The following ACBD6 variants were observed in gnomAD, a reference collection of about 807,000 sequenced individuals.
ACBD6 encodes the protein acyl-CoA-binding domain-containing protein 6.
In ACBD6, 28 loss-of-function variants were observed where a neutral mutation model predicts 37.2. That is an observed-to-expected ratio of 0.75 (90% CI 0.56 to 1.03). ACBD6 has a LOEUF of 1.03. ACBD6 is among the 50% of genes least tolerant of loss of function. ACBD6 has a pLI of 0.00. For synonymous variants in ACBD6, 113 were observed against 126.8 expected, an observed-to-expected ratio of 0.89 and a Z score of 0.73; for missense variants, 340 against 337.4, an observed-to-expected ratio of 1.01 and a Z score of -0.06.
intron 5 of ACBD6, among the ~76,000 whole-genome samples, chr1:180,412,479 A>G (rs988267263): frequency 1.3e-5 from 2 of 152,240 alleles, no homozygotes; most frequent in African/African-American, 4.8e-5. Flanking sequence ...AATGATTAGA[A>G]GTGAGTTAGC....
At chr1:180,299,620 G>C (rs1487133507) in intron 7 of ACBD6, among the ~76,000 whole-genome samples, 1 of 151,726 alleles carries the variant, frequency 6.6e-6, no homozygotes, top group African/African-American at 2.4e-5. Flanking sequence ...CCCTGTAACA[G>C]TGTGGAGGTA....
chr1:180,335,878 C>T (rs1440135485), intron 6 of ACBD6, among the ~76,000 whole-genome samples: 1 of 146,398 alleles, frequency 6.8e-6, no homozygotes, highest in Non-Finnish European at 1.5e-5. Context: ...TCTGATAAAA[C>T]AGACTTTAAA....
intron 3 of ACBD6, among the ~76,000 whole-genome samples, chr1:180,489,173 TA>T (rs1204698589): frequency 2.7e-5 from 4 of 150,646 alleles, no homozygotes; most frequent in Non-Finnish European, 4.4e-5. Context: ...CTCAAAAAAA[TA>T]AAAAAAAACT....
intron 3 of ACBD6, among the ~76,000 whole-genome samples, chr1:180,487,160 A>G (rs1023075302): frequency 3.3e-5 from 5 of 152,206 alleles, no homozygotes; most frequent in Non-Finnish European, 5.9e-5. Flanking sequence ...GGACATTATC[A>G]TTATAATGAT....
At chr1:180,333,458 T>A (rs192690026) in intron 6 of ACBD6, among the ~76,000 whole-genome samples, 1 of 152,086 alleles carries the variant, frequency 6.6e-6, no homozygotes, top group Non-Finnish European at 1.5e-5. Flanking sequence ...CCTGACCTCA[T>A]AGACCTGCTG....
At chr1:180,391,244 A>T (rs1229246646) in intron 6 of ACBD6, among the ~76,000 whole-genome samples, 1 of 152,150 alleles carries the variant, frequency 6.6e-6, no homozygotes, top group East Asian at 1.9e-4. Flanking sequence ...AGGCTTAATC[A>T]TCATGATCTT....
chr1:180,271,655 C>A, exon 14 of ACBD6: 1 of 1,401,226 alleles, frequency 7.1e-7, no homozygotes, highest in Non-Finnish European at 1.0e-6. Context: ...AGGGCTTTTG[C>A]CAGAACTGAA....
intron 5 of ACBD6, among the ~76,000 whole-genome samples, chr1:180,405,235 CAG>C (rs1305780153): frequency 1.3e-5 from 2 of 151,424 alleles, no homozygotes; most frequent in African/African-American, 4.9e-5. Flanking sequence ...ACAGTTTCAC[CAG>C]AGTTTGCAGC....
rs532439594 is a variant in ACBD6 at position 180,489,055 on chromosome 1, A to G, written c.384+3214T>C. The stretch of plus-strand genomic sequence containing the variant: ...CCAGGTGCAGTGGCTCATGCTAGCT[A>G]TTCAGGAGGCTGAGGCAGAAGAATT... On this transcript the variant is annotated intron_variant, in intron 3 of 7. Transcript: ENST00000367595. Among the ~76,000 whole-genome samples, 218 of 152,274 alleles carry G rather than the reference A, an allele frequency of 1.4e-3. 1 individual carries two copies. Among genetic ancestry groups the G allele is most frequent in the African/African-American group, 5.1e-3 (213 of 41,556 alleles).
chr1:180,313,306 T>C (rs536618008), intron 7 of ACBD6, among the ~76,000 whole-genome samples: 1 of 152,316 alleles, frequency 6.6e-6, no homozygotes, highest in Admixed American at 6.5e-5. Flanking sequence ...GGCTGGCAGT[T>C]GGTGACAGAC....
In ACBD6 at chr1:180,376,035, T is replaced by C. The variant is rs115333695; in HGVS notation, c.663+21481A>G. 5.8e-3 allele frequency among the ~76,000 whole-genome samples: 879 copies of C among 152,186 alleles called. 7 individuals carry two copies. Among genetic ancestry groups the C allele is most frequent in the African/African-American group, 0.02 (833 of 41,530 alleles). On this transcript the variant is annotated intron_variant, in intron 6 of 7. Coordinates refer to ENST00000367595, the MANE Select transcript of ACBD6 (RefSeq NM_032360.4). ...AAAAATGGGGAAAAATGTGAACAGATAGTTCACCAAAACCAGGATATAAAA... is the reference window on the plus strand; with the variant it reads ...AAAAATGGGGAAAAATGTGAACAGACAGTTCACCAAAACCAGGATATAAAA...
rs79483573 is a variant in ACBD6 at position 180,290,996 on chromosome 1, T to C, written c.695-2479A>G. ...CTATAGTTTTGTCTTTTTCCAGAAA[T>C]AGAAATCATATAGCATAGTCTTTTG... On this transcript the variant is annotated intron_variant, in intron 7 of 7. Transcript: ENST00000367595. Among the ~76,000 whole-genome samples the C allele has an allele frequency of 5.4e-3, 826 of 152,358 alleles. 8 individuals carry two copies. The highest frequency in any genetic ancestry group is 0.019 in the African/African-American group (781 of 41,580).
chr1:180,293,840 G>T (rs554278101), intron 7 of ACBD6, among the ~76,000 whole-genome samples: 2 of 151,926 alleles, frequency 1.3e-5, no homozygotes, highest in Non-Finnish European at 2.9e-5. Context: ...TGAACTCCTG[G>T]CTCCAAGTGA....
At chr1:180,322,243 T>C (rs775211062) in intron 6 of ACBD6, among the ~76,000 whole-genome samples, 1 of 152,154 alleles carries the variant, frequency 6.6e-6, no homozygotes, top group Non-Finnish European at 1.5e-5. Context: ...CTTTTTAATG[T>C]ATCATTGAAT....
intron 3 of ACBD6, among the ~76,000 whole-genome samples, chr1:180,441,405 C>T (rs1649274692): frequency 6.6e-6 from 1 of 152,126 alleles, no homozygotes; most frequent in South Asian, 2.1e-4. Context: ...TAGTTTTGCT[C>T]TTTTTCAATA....
At chr1:180,435,129 A>C in intron 3 of ACBD6, 7 of 723,384 alleles carry the variant, frequency 9.7e-6, no homozygotes, top group East Asian at 2.6e-5. Context: ...AAAAGCTAAA[A>C]TCAAGACAGG....
At chr1:180,391,246 C>G (rs1170871030) in intron 6 of ACBD6, among the ~76,000 whole-genome samples, 2 of 152,084 alleles carry the variant, frequency 1.3e-5, no homozygotes, top group African/African-American at 4.8e-5. Flanking sequence ...GCTTAATCAT[C>G]ATGATCTTTG....
intron 3 of ACBD6, among the ~76,000 whole-genome samples, chr1:180,473,202 C>T (rs1479878065): frequency 6.6e-6 from 1 of 152,148 alleles, no homozygotes; most frequent in Non-Finnish European, 1.5e-5. Flanking sequence ...AATCCCAGCA[C>T]TTTGGGAGGC....
At chr1:180,282,979 T>TTTG (rs1553286430) in intron 8 of ACBD6, among the ~76,000 whole-genome samples, 1 of 133,094 alleles carries the variant, frequency 7.5e-6, no homozygotes, top group Non-Finnish European at 1.5e-5. Flanking sequence ...TCTGTTTTTT[T>TTTG]TTTTTTTTTT....
Sources: gnomAD v4.1 joint callset for allele counts (sites outside exome capture counted in the v4.1 genomes callset) on GRCh38, gnomAD v4.1.1 for gene constraint, MANE v1.5 for transcripts, NCBI Gene and HGNC (gene_info 2026-07-23, HGNC 2026-07-21) for gene names.